The following MDGA2 variants were observed in gnomAD, a reference collection of about 807,000 sequenced individuals.
MDGA2 encodes MAM domain containing glycosylphosphatidylinositol anchor 2, also known as MAM domain-containing glycosylphosphatidylinositol anchor protein 2.
MDGA2 carries 40 observed loss-of-function variants against 117.8 expected under a neutral mutation model. The observed-to-expected ratio is 0.34, with a 90% CI of 0.26 to 0.44. The LOEUF (loss-of-function observed/expected upper bound fraction) is 0.44, where lower values mean the gene tolerates loss of function less well. Among genes scored for constraint, MDGA2 ranks in the 20% least tolerant of loss-of-function variants. The pLI is 1.00. For synonymous variants in MDGA2, 452 were observed against 439.0 expected (o/e 1.03, Z -0.37); for missense variants, 1,123 against 1,250.6 (o/e 0.90, Z 1.54).
At chr14:47,016,711 T>A (rs565596072) in intron 8 of MDGA2, among the ~76,000 whole-genome samples, 5 of 152,156 alleles carry the variant, frequency 3.3e-5, no homozygotes, top group Non-Finnish European at 7.4e-5. Flanking sequence ...ATAATGAATA[T>A]AACTAACATG....
At chr14:47,476,414 A>G (rs949363457) in intron 1 of MDGA2, among the ~76,000 whole-genome samples, 19 of 152,170 alleles carry the variant, frequency 1.2e-4, no homozygotes, top group Admixed American at 1.2e-3. Context: ...TTGAGACAAA[A>G]TAAGTGCTTA....
At chr14:47,124,333 T>C (rs916358720) in intron 5 of MDGA2, among the ~76,000 whole-genome samples, 7 of 152,104 alleles carry the variant, frequency 4.6e-5, no homozygotes, top group African/African-American at 1.7e-4. Flanking sequence ...TATCTGTCTC[T>C]CCCTAAAATT....
intron 1 of MDGA2, among the ~76,000 whole-genome samples, chr14:47,529,049 A>G (rs949194910): frequency 4.0e-5 from 6 of 150,688 alleles, no homozygotes; most frequent in Admixed American, 6.6e-5. Context: ...CCCAGGCTGG[A>G]GTGCAGTGGC....
intron 1 of MDGA2, among the ~76,000 whole-genome samples, chr14:47,602,035 T>A (rs934930499): frequency 6.6e-6 from 1 of 152,220 alleles, no homozygotes; most frequent in South Asian, 2.1e-4. Flanking sequence ...ACATTTATGA[T>A]GCAGAATAAA....
chr14:47,197,062 C>A (rs577745914), intron 3 of MDGA2, among the ~76,000 whole-genome samples: 15 of 152,190 alleles, frequency 9.9e-5, no homozygotes, highest in Non-Finnish European at 1.5e-4. Context: ...TTATCCAGTC[C>A]ACCATTGATG....
At chr14:47,359,622 C>T (rs1478353014) in intron 1 of MDGA2, among the ~76,000 whole-genome samples, 2 of 150,590 alleles carry the variant, frequency 1.3e-5, no homozygotes, top group Non-Finnish European at 3.0e-5. Context: ...TTATCTTTCA[C>T]CATACATAAA....
At chr14:46,930,912 CT>C (rs1884545572) in intron 9 of MDGA2, among the ~76,000 whole-genome samples, 1 of 152,144 alleles carries the variant, frequency 6.6e-6, no homozygotes, top group South Asian at 2.1e-4. Context: ...AAATAAAACT[CT>C]TTTTAAAAAT....
chr14:47,299,843 T>A (rs900317088), intron 2 of MDGA2, among the ~76,000 whole-genome samples: 2 of 152,176 alleles, frequency 1.3e-5, no homozygotes, highest in African/African-American at 4.8e-5. Context: ...ACAATTTTAT[T>A]CTTTAATCCA....
At chr14:47,216,335 A>C (rs1886087441) in intron 3 of MDGA2, among the ~76,000 whole-genome samples, 1 of 152,142 alleles carries the variant, frequency 6.6e-6, no homozygotes, top group African/African-American at 2.4e-5. Context: ...GTGTTTCAGA[A>C]ATTTTCAGAT....
At chr14:47,559,841 G>A (rs552443495) in intron 1 of MDGA2, among the ~76,000 whole-genome samples, 1 of 152,202 alleles carries the variant, frequency 6.6e-6, no homozygotes, top group Non-Finnish European at 1.5e-5. Context: ...CCAAAGTGCT[G>A]GGATTACAGG....
At chr14:47,207,477 A>G (rs183103683) in intron 3 of MDGA2, among the ~76,000 whole-genome samples, 31 of 152,098 alleles carry the variant, frequency 2.0e-4, no homozygotes, top group Admixed American at 2.0e-3. Context: ...GGCCTTTTGC[A>G]GGAACCAGGT....
intron 1 of MDGA2, among the ~76,000 whole-genome samples, chr14:47,545,302 T>C (rs1955803): frequency 0.63 from 95,602 of 152,020 alleles, 31,065 homozygotes; most frequent in East Asian, 0.99. Flanking sequence ...GCAGTTTAAA[T>C]TGCACAACAT....
chr14:47,612,094 G>C (rs1399638290), intron 1 of MDGA2, among the ~76,000 whole-genome samples: 2 of 152,106 alleles, frequency 1.3e-5, no homozygotes, highest in Admixed American at 6.6e-5. Context: ...TACTTCGCAA[G>C]TTTCCAAATG....
intron 7 of MDGA2, among the ~76,000 whole-genome samples, chr14:47,037,631 A>C (rs1453359276): frequency 2.6e-5 from 4 of 151,972 alleles, no homozygotes; most frequent in Admixed American, 6.6e-5. Context: ...CCTCTTATTG[A>C]TTTCTTTAGT....
chr14:47,238,926 T>G (rs1216457743), intron 2 of MDGA2, among the ~76,000 whole-genome samples: 2 of 151,528 alleles, frequency 1.3e-5, no homozygotes, highest in Non-Finnish European at 1.5e-5. Context: ...AGCTAAGAGG[T>G]AGAAAGTTTA....
At chr14:47,341,660 G>C (rs893729366) in intron 1 of MDGA2, among the ~76,000 whole-genome samples, 1 of 152,168 alleles carries the variant, frequency 6.6e-6, no homozygotes, top group East Asian at 1.9e-4. Context: ...AAGTTTTTAT[G>C]TTCCTTGGAA....
At chr14:47,036,711 A>G (rs1888868597) in intron 7 of MDGA2, among the ~76,000 whole-genome samples, 1 of 152,240 alleles carries the variant, frequency 6.6e-6, no homozygotes, top group Admixed American at 6.5e-5. Context: ...ATTATGGCCC[A>G]CTGCCCAGGT....
chr14:47,332,417 AT>A (rs1422720425), intron 1 of MDGA2, among the ~76,000 whole-genome samples: 1 of 152,012 alleles, frequency 6.6e-6, no homozygotes, highest in Non-Finnish European at 1.5e-5. Context: ...ACAAGAAAAA[AT>A]TAAACAGCCA....
In MDGA2 at chr14:47,121,388, A is replaced by G. The variant is rs966068345; in HGVS notation, c.925+10326T>C. Among the ~76,000 whole-genome samples, 8 of 152,122 alleles carry G rather than the reference A, an allele frequency of 5.3e-5. No homozygotes were observed. In the East Asian group the frequency reaches 9.6e-4, roughly 18 times the overall value. ...TCACTCTAACATGCATAATAGTAATATAATTTACATTAAATGGATATACAA... is the reference window on the plus strand; with the variant it reads ...TCACTCTAACATGCATAATAGTAATGTAATTTACATTAAATGGATATACAA... On this transcript the variant is annotated intron_variant, in intron 5 of 16. Coordinates refer to ENST00000399232, the MANE Select transcript of MDGA2 (RefSeq NM_001113498.3).
Sources: gnomAD v4.1 joint callset for allele counts (sites outside exome capture counted in the v4.1 genomes callset) on GRCh38, gnomAD v4.1.1 for gene constraint, MANE v1.5 for transcripts, NCBI Gene and HGNC (gene_info 2026-07-23, HGNC 2026-07-21) for gene names.